Variants in NCAM1 observed in about 807,000 individuals in gnomAD.
NCAM1 encodes the protein neural cell adhesion molecule 1.
Under a neutral mutation model 109.8 loss-of-function variants are expected in NCAM1, and 14 were observed. The observed-to-expected ratio is 0.13, with a 90% confidence interval of 0.08 to 0.20. The LOEUF is 0.20. NCAM1 is among the 10% of genes least tolerant of loss of function. The pLI, the probability that NCAM1 is intolerant of heterozygous loss-of-function variation, is 1.00. For synonymous variants in NCAM1, 418 were observed against 442.9 expected (o/e 0.94, Z 0.70); for missense variants, 774 against 1,109.9 (o/e 0.70, Z 4.30).
rs144452042 is a variant in NCAM1, at chr11:113,274,103, C to T, written c.2457-1164C>T. ...TATCAGCCACCCTGGGGCCCCCAGTCGGTGTGTTATTCAGTGCCAGGCTGA... is the reference window on the plus strand; with the variant it reads ...TATCAGCCACCCTGGGGCCCCCAGTTGGTGTGTTATTCAGTGCCAGGCTGA... On this transcript the variant is annotated intron_variant, in intron 19 of 19. Transcript: ENST00000316851. This position sits in a 1 kb window ranked among gnomAD's most constrained non-coding sequence, Gnocchi z 4.1. Among the ~76,000 whole-genome samples, 797 of 152,252 alleles carry T rather than the reference C, an allele frequency of 5.2e-3. 3 individuals are homozygous for T. The highest frequency in any genetic ancestry group is 0.018 in the African/African-American group (741 of 41,548).
intron 1 of NCAM1, among the ~76,000 whole-genome samples, chr11:113,144,778 T>A (rs1941953631): frequency 6.6e-6 from 1 of 152,172 alleles, no homozygotes; most frequent in African/African-American, 2.4e-5. Context: ...AGTACATGTG[T>A]CAAAGAGTAG....
chr11:112,983,078 C>A (rs568431291), intron 1 of NCAM1, among the ~76,000 whole-genome samples: 1 of 152,042 alleles, frequency 6.6e-6, no homozygotes, highest in South Asian at 2.1e-4. Flanking sequence ...GTCATTTAAG[C>A]AAGTTACTGT....
intron 17 of NCAM1, chr11:113,263,613 C>T (rs542914748): frequency 1.9e-4 from 189 of 985,468 alleles, no homozygotes; most frequent in Middle Eastern, 1.0e-3. Context: ...TCTCTGTGAA[C>T]GGGGCCAAGC....
chr11:113,205,749 G>A (rs568469218), intron 4 of NCAM1, 83 bp downstream of exon 4: 5 of 1,505,772 alleles, frequency 3.3e-6, no homozygotes, highest in Non-Finnish European at 4.5e-6. Flanking sequence ...AGGCATTCCA[G>A]TCCAAACTCC....
chr11:113,158,118 T>C (rs138684421), intron 1 of NCAM1, among the ~76,000 whole-genome samples: 90 of 152,310 alleles, frequency 5.9e-4, no homozygotes, highest in African/African-American at 2.1e-3. Context: ...ATTGTATACA[T>C]TGGTATCACC....
Position 112,993,356 on chromosome 11 carries a change from T to G in NCAM1, c.52+31692T>G, listed in dbSNP as rs116185298. On this transcript the variant is annotated intron_variant, in intron 1 of 19. Transcript: ENST00000316851. ...GCCATACACTTAAATGACCAGATCT[T>G]GTGAGAACTCACTATCATGAAGATG... Among the ~76,000 whole-genome samples the G allele has an allele frequency of 5.8e-3, 885 of 152,258 alleles. 7 individuals carry two copies. Among genetic ancestry groups the G allele is most frequent in the African/African-American group, 0.02 (833 of 41,550 alleles).
intron 1 of NCAM1, among the ~76,000 whole-genome samples, chr11:113,023,531 A>G (rs896952961): frequency 6.6e-6 from 1 of 152,208 alleles, no homozygotes; most frequent in African/African-American, 2.4e-5. Flanking sequence ...AAAGAAGAAA[A>G]CCTATTGAAG....
chr11:113,195,477 A>AC lies in NCAM1; in HGVS notation c.53-6902_53-6901insC, dbSNP rs1555110666. 2.7e-5 allele frequency among the ~76,000 whole-genome samples: 4 copies of AC among 149,816 alleles called. No individual in the cohort carries two copies. The East Asian group carries it at 8.0e-4, about 30-fold the overall frequency. ...ACACCACACACACACACACACACAC[A>AC]AACACACCCCTTAGTAGATTTTTTT... On this transcript the variant is annotated intron_variant, in intron 1 of 19. Coordinates refer to ENST00000316851, the MANE Select transcript of NCAM1 (RefSeq NM_181351.5).
chr11:113,101,935 C>G (rs556227518), intron 1 of NCAM1, among the ~76,000 whole-genome samples: 2 of 152,296 alleles, frequency 1.3e-5, no homozygotes, highest in African/African-American at 4.8e-5. Context: ...TGTTTGCATA[C>G]ATTAGGCTAT....
intron 1 of NCAM1, among the ~76,000 whole-genome samples, chr11:113,128,571 A>G (rs1941268738): frequency 6.6e-6 from 1 of 152,168 alleles, no homozygotes; most frequent in Non-Finnish European, 1.5e-5. Context: ...CTCTGCTTTT[A>G]TCCCTTCCCA....
intron 1 of NCAM1, among the ~76,000 whole-genome samples, chr11:113,053,031 CT>C (rs1275057178): frequency 1.3e-5 from 2 of 151,888 alleles, no homozygotes; most frequent in African/African-American, 4.8e-5. Flanking sequence ...TAAAACTCTT[CT>C]AAAGGCAGAA....
chr11:112,992,155 A>C (rs973384354), intron 1 of NCAM1, among the ~76,000 whole-genome samples: 3 of 152,144 alleles, frequency 2.0e-5, no homozygotes, highest in Non-Finnish European at 2.9e-5. Context: ...TTCCTTTCTT[A>C]AAGAAGCCTG....
intron 7 of NCAM1, among the ~76,000 whole-genome samples, chr11:113,212,590 C>G (rs145300882): frequency 6.6e-6 from 1 of 152,192 alleles, no homozygotes; most frequent in Non-Finnish European, 1.5e-5. Flanking sequence ...CTGGGATTGT[C>G]TCCAGACCTC....
intron 1 of NCAM1, among the ~76,000 whole-genome samples, chr11:113,142,833 A>T (rs1941878653): frequency 6.6e-6 from 1 of 152,250 alleles, no homozygotes; most frequent in South Asian, 2.1e-4. Context: ...ATGATACGTT[A>T]GTTATTTTCA....
At chr11:113,037,278 G>A (rs1952919095) in intron 1 of NCAM1, among the ~76,000 whole-genome samples, 1 of 152,158 alleles carries the variant, frequency 6.6e-6, no homozygotes, top group South Asian at 2.1e-4. Flanking sequence ...AAAAGTTACA[G>A]GATTGCTCAG....
intron 17 of NCAM1, chr11:113,265,069 AT>A: frequency 1.0e-6 from 1 of 985,420 alleles, no homozygotes; most frequent in African/African-American, 1.7e-5. Flanking sequence ...TTTTTGGACT[AT>A]TTATACAGCA....
In NCAM1 at chr11:113,207,820, C is replaced by G. The variant is rs1331974920; in HGVS notation, c.747-13C>G. The G allele has an allele frequency of 3.7e-6, 6 of 1,603,146 alleles. No homozygotes were observed. The highest frequency in any genetic ancestry group is 5.1e-6 in the Non-Finnish European group (6 of 1,173,718). Reference sequence around the variant, plus strand: ...GTCGAAATCATGCTACTTTGCATTTCTACATGCTCTAGGGATGGGGAACAG... The same window carrying G: ...GTCGAAATCATGCTACTTTGCATTTGTACATGCTCTAGGGATGGGGAACAG... On this transcript the variant is annotated splice_polypyrimidine_tract_variant and intron_variant, in intron 6 of 19. Coordinates refer to ENST00000316851, the MANE Select transcript of NCAM1 (RefSeq NM_181351.5).
intron 1 of NCAM1, among the ~76,000 whole-genome samples, chr11:112,999,745 A>G (rs951837572): frequency 1.3e-5 from 2 of 152,166 alleles, no homozygotes; most frequent in African/African-American, 4.8e-5. Flanking sequence ...GTTTCCCCTG[A>G]GACAGTGTGC....
At chr11:113,049,752 C>T (rs1953398296) in intron 1 of NCAM1, among the ~76,000 whole-genome samples, 1 of 152,206 alleles carries the variant, frequency 6.6e-6, no homozygotes, top group African/African-American at 2.4e-5. Context: ...TGCCAATGTT[C>T]TCCTTTCTCT....
Sources: gnomAD v4.1 joint callset for allele counts (sites outside exome capture counted in the v4.1 genomes callset) on GRCh38, gnomAD v4.1.1 for gene constraint, Gnocchi (gnomAD v3.1) non-coding constraint, MANE v1.5 for transcripts, NCBI Gene and HGNC (gene_info 2026-07-23, HGNC 2026-07-21) for gene names.